SYTL3: variants seen among roughly 807,000 people sequenced by gnomAD.
The protein encoded by SYTL3 is synaptotagmin like 3, also known as synaptotagmin-like protein 3.
SYTL3 carries 88 observed loss-of-function variants against 82.1 expected under a neutral mutation model. The ratio of observed to expected loss-of-function variants is 1.07; its 90% CI spans 0.90 to 1.28. The LOEUF is 1.28. SYTL3 is among the 50% of genes most tolerant of loss of function. The pLI is 0.00. For synonymous variants in SYTL3, 311 were observed against 289.4 expected, an observed-to-expected ratio of 1.07 and a Z score of -0.76; for missense variants, 831 against 757.6, an observed-to-expected ratio of 1.10 and a Z score of -1.14.
At chr6:158,730,927 TA>T (rs2128489609) in intron 11 of SYTL3, among the ~76,000 whole-genome samples, 1 of 152,120 alleles carries the variant, frequency 6.6e-6, no homozygotes, top group Non-Finnish European at 1.5e-5. Flanking sequence ...TCTTAAGGGT[TA>T]AAAAGAGGTG....
chr6:158,691,761 C>A (rs1362036779), intron 6 of SYTL3, among the ~76,000 whole-genome samples: 2 of 151,320 alleles, frequency 1.3e-5, no homozygotes, highest in African/African-American at 4.8e-5. Flanking sequence ...ACGCCATTCT[C>A]CTGCCTCAGC....
intron 6 of SYTL3, among the ~76,000 whole-genome samples, chr6:158,691,691 G>A (rs146034138): frequency 2.0e-5 from 3 of 150,670 alleles, no homozygotes; most frequent in Non-Finnish European, 3.0e-5. Context: ...TCGCTCTGTC[G>A]CCCAGGCTGG....
intron 15 of SYTL3, among the ~76,000 whole-genome samples, chr6:158,761,640 ACTCC>A (rs1789990614): frequency 2.0e-5 from 3 of 151,630 alleles, no homozygotes; most frequent in African/African-American, 7.3e-5. Context: ...TATTTTGCTG[ACTCC>A]CTATTTGGCT....
chr6:158,703,188 C>T (rs1300928767), intron 6 of SYTL3, among the ~76,000 whole-genome samples: 1 of 144,756 alleles, frequency 6.9e-6, no homozygotes, highest in Non-Finnish European at 1.5e-5. Flanking sequence ...ATTGGGATGA[C>T]ACCTGGCAAC....
chr6:158,664,399 G>A (rs1351174706), intron 4 of SYTL3, among the ~76,000 whole-genome samples: 1 of 152,094 alleles, frequency 6.6e-6, no homozygotes, highest in Non-Finnish European at 1.5e-5. Flanking sequence ...ACAAAAATTA[G>A]CCGGGCGGTG....
intron 10 of SYTL3, among the ~76,000 whole-genome samples, chr6:158,722,964 C>G (rs1195971377): frequency 6.6e-6 from 1 of 151,122 alleles, no homozygotes; most frequent in Non-Finnish European, 1.5e-5. Context: ...CAGGGTTTCT[C>G]CATTTTGGCC....
intron 6 of SYTL3, among the ~76,000 whole-genome samples, chr6:158,692,906 G>A (rs1417458103): frequency 1.3e-5 from 2 of 151,782 alleles, no homozygotes; most frequent in African/African-American, 2.4e-5. Flanking sequence ...AGCCGAGATC[G>A]TGCCACTGCA....
At chr6:158,682,580 T>A (rs541457835) in intron 5 of SYTL3, among the ~76,000 whole-genome samples, 16 of 151,816 alleles carry the variant, frequency 1.1e-4, no homozygotes, top group Admixed American at 3.9e-4. Flanking sequence ...AGGATGGTCT[T>A]GATCTCCTGA....
chr6:158,725,483 TTC>T lies in SYTL3; in HGVS notation c.721-18_721-17del. 6.2e-7 allele frequency: 1 copy of T among 1,612,224 alleles called. No individual in the cohort carries two copies. The highest frequency in any genetic ancestry group is 2.2e-5 in the East Asian group (1 of 44,870). On this transcript the variant is annotated intron_variant, in intron 10 of 17. Transcript: ENST00000611299. Reference sequence around the variant, plus strand: ...CTGGGATGGAGACTATAATATTAATTTCTGTTTTTCCTTCTCCAGAAGGTCAG... The same window carrying T: ...CTGGGATGGAGACTATAATATTAATTTGTTTTTCCTTCTCCAGAAGGTCAG...
At chr6:158,660,207 G>A (rs1789205318) in intron 2 of SYTL3, among the ~76,000 whole-genome samples, 1 of 152,174 alleles carries the variant, frequency 6.6e-6, no homozygotes, top group Non-Finnish European at 1.5e-5. Context: ...GGAGGTTGCA[G>A]TGAGCCGAGA....
intron 11 of SYTL3, among the ~76,000 whole-genome samples, chr6:158,742,410 T>C (rs1787047397): frequency 6.6e-6 from 1 of 152,156 alleles, no homozygotes; most frequent in South Asian, 2.1e-4. Flanking sequence ...TGGGTTTCCA[T>C]TGATGAAGAC....
chr6:158,702,613 TC>T (rs998204562), intron 6 of SYTL3, among the ~76,000 whole-genome samples: 4 of 151,500 alleles, frequency 2.6e-5, no homozygotes, highest in East Asian at 2.0e-4. Flanking sequence ...GGTGGTCGTT[TC>T]CCCCCGGCTT....
intron 6 of SYTL3, among the ~76,000 whole-genome samples, chr6:158,700,813 T>A (rs1293318725): frequency 6.6e-6 from 1 of 152,076 alleles, no homozygotes; most frequent in Non-Finnish European, 1.5e-5. Context: ...AGACGGGGTT[T>A]CACTGTGTTA....
chr6:158,660,231 C>T (rs1441644676), intron 2 of SYTL3, among the ~76,000 whole-genome samples: 1 of 152,168 alleles, frequency 6.6e-6, no homozygotes, highest in Non-Finnish European at 1.5e-5. Flanking sequence ...CACCACTGCA[C>T]TCCAGCCTGG....
At chr6:158,707,359 T>A in intron 7 of SYTL3, 78 bp downstream of exon 7, 1 of 1,255,034 alleles carries the variant, frequency 8.0e-7, no homozygotes, top group Non-Finnish European at 1.1e-6. Context: ...AACTTATAGG[T>A]CTCTTGACTT....
At chr6:158,714,946 G>C (rs1379231951) in intron 9 of SYTL3, among the ~76,000 whole-genome samples, 1 of 152,140 alleles carries the variant, frequency 6.6e-6, no homozygotes, top group African/African-American at 2.4e-5. Context: ...CTCATGCAAT[G>C]GTCTGTTCCT....
At chr6:158,758,805 C>A (rs1468028624) in intron 14 of SYTL3, among the ~76,000 whole-genome samples, 1 of 152,186 alleles carries the variant, frequency 6.6e-6, no homozygotes, top group Non-Finnish European at 1.5e-5. Flanking sequence ...CTCCAGGAAG[C>A]CATTCCTGAT....
Position 158,665,440 on chromosome 6 carries a change from G to GGC in SYTL3, c.156_157insGC (p.Asn53AlafsTer44), listed in dbSNP as rs762945297. On this transcript the variant is annotated frameshift_variant, in exon 5 of 18. Transcript: ENST00000611299. LOFTEE classifies it high-confidence loss of function. ...AGCATCTCCGGTGGAAAGGAGCGAA[G>GGC]AACACGGACTGGGAGCACAAAGAGA... is the stretch of plus-strand genomic sequence containing the variant. 16 of 1,608,484 alleles carry GGC rather than the reference G, an allele frequency of 9.9e-6. No individual in the cohort carries two copies. The highest frequency in any genetic ancestry group is 1.4e-5 in the Non-Finnish European group (16 of 1,177,460).
chr6:158,666,830 G>A (rs918607834), intron 5 of SYTL3, among the ~76,000 whole-genome samples: 16 of 152,200 alleles, frequency 1.1e-4, no homozygotes, highest in Non-Finnish European at 2.2e-4. Flanking sequence ...AGCCAGAGAG[G>A]TGAAGTGGTT....
Sources: gnomAD v4.1 joint callset for allele counts (sites outside exome capture counted in the v4.1 genomes callset) on GRCh38, gnomAD v4.1.1 for gene constraint, MANE v1.5 for transcripts, NCBI Gene and HGNC (gene_info 2026-07-23, HGNC 2026-07-21) for gene names.